The following VPS13A variants were observed in gnomAD, a reference collection of about 807,000 sequenced individuals.
VPS13A encodes the protein vacuolar protein sorting 13 homolog A.
Under a neutral mutation model 390.9 loss-of-function variants are expected in VPS13A, and 264 were observed. That is an observed-to-expected ratio of 0.68 (90% CI 0.61 to 0.75). The LOEUF (loss-of-function observed/expected upper bound fraction) is 0.75. VPS13A is among the 30% of genes least tolerant of loss of function. VPS13A has a pLI of 0.00. For synonymous variants in VPS13A, 1,231 were observed against 1,227.1 expected (o/e 1.00, Z -0.07); for missense variants, 3,409 against 3,733.9 (o/e 0.91, Z 2.27).
chr9:77,187,663 T>G (rs1824423920), intron 1 of VPS13A, among the ~76,000 whole-genome samples: 1 of 152,104 alleles, frequency 6.6e-6, no homozygotes, highest in East Asian at 1.9e-4. Flanking sequence ...GATATATGAT[T>G]TGCAAATATT....
At chr9:77,351,723 G>A (rs1301601348) in intron 53 of VPS13A, among the ~76,000 whole-genome samples, 1 of 152,128 alleles carries the variant, frequency 6.6e-6, no homozygotes, top group African/African-American at 2.4e-5. Flanking sequence ...ACAAAAATTA[G>A]CCTCGCATGG....
chr9:77,248,377 G>A (rs894151712), intron 20 of VPS13A, among the ~76,000 whole-genome samples: 66 of 151,556 alleles, frequency 4.4e-4, no homozygotes, highest in Non-Finnish European at 6.6e-4. Flanking sequence ...CACCACGCCC[G>A]GCTAATTTTT....
chr9:77,203,831 A>G (rs533592286), intron 3 of VPS13A, among the ~76,000 whole-genome samples: 3 of 152,284 alleles, frequency 2.0e-5, no homozygotes, highest in East Asian at 3.9e-4. Context: ...TCTGTACAGA[A>G]ATTTGAAATG....
At chr9:77,366,044 G>T (rs1011107162) in intron 60 of VPS13A, among the ~76,000 whole-genome samples, 2 of 151,920 alleles carry the variant, frequency 1.3e-5, no homozygotes, top group African/African-American at 4.8e-5. Flanking sequence ...TTTTTAACTG[G>T]CTATTAACTT....
At chr9:77,406,420 A>ATTCT (rs1834611528) in intron 70 of VPS13A, among the ~76,000 whole-genome samples, 1 of 151,496 alleles carries the variant, frequency 6.6e-6, no homozygotes, top group African/African-American at 2.4e-5. Flanking sequence ...TTCTGCAATC[A>ATTCT]TTCTTTTTTT....
At chr9:77,352,377 A>G (rs530091209) in intron 53 of VPS13A, among the ~76,000 whole-genome samples, 3 of 151,272 alleles carry the variant, frequency 2.0e-5, no homozygotes, top group South Asian at 4.2e-4. Context: ...AGTAGGTGGT[A>G]TTTTCTCATT....
intron 17 of VPS13A, among the ~76,000 whole-genome samples, chr9:77,229,280 A>G (rs1040147304): frequency 6.6e-6 from 1 of 151,388 alleles, no homozygotes; most frequent in Non-Finnish European, 1.5e-5. Context: ...GGGTTTCACC[A>G]TGTTGCCCAG....
At chr9:77,390,016 C>A in intron 68 of VPS13A, 1 of 930,682 alleles carries the variant, frequency 1.1e-6, no homozygotes, top group African/African-American at 1.8e-5. Context: ...TAACTGCCGT[C>A]AGCCGACGTG....
intron 22 of VPS13A, among the ~76,000 whole-genome samples, chr9:77,257,266 G>A (rs928910341): frequency 1.3e-5 from 2 of 151,954 alleles, no homozygotes; most frequent in African/African-American, 4.8e-5. Flanking sequence ...ACAGGGTCTT[G>A]TTCTGTCACC....
At position 77,404,104 on chromosome 9, in the gene VPS13A, C is replaced by T. The variant is rs545111043; in HGVS notation, c.9275+783C>T. Among the ~76,000 whole-genome samples the T allele has an allele frequency of 4.6e-5, 7 of 152,174 alleles. No homozygotes were observed. In the South Asian group the frequency reaches 1.2e-3, roughly 27 times the overall value. On this transcript the variant is annotated intron_variant, in intron 69 of 71. Coordinates refer to ENST00000360280, the MANE Select transcript of VPS13A (RefSeq NM_033305.3). ...TAATTTTCTTATTTAAAAAGTAACA[C>T]CAAGTGGAAAACTTCCACAATATTA...
intron 29 of VPS13A, among the ~76,000 whole-genome samples, chr9:77,282,938 A>T (rs1287567715): frequency 1.3e-5 from 2 of 151,846 alleles, no homozygotes; most frequent in African/African-American, 4.8e-5. Context: ...CCTGGGTAAC[A>T]GAGAGAGACT....
At chr9:77,236,708 T>C (rs1426158617) in intron 17 of VPS13A, among the ~76,000 whole-genome samples, 1 of 152,174 alleles carries the variant, frequency 6.6e-6, no homozygotes, top group African/African-American at 2.4e-5. Context: ...GAACACAGAC[T>C]CAGAAAATAA....
At chr9:77,197,005 A>C (rs1345323550) in intron 1 of VPS13A, among the ~76,000 whole-genome samples, 1 of 151,960 alleles carries the variant, frequency 6.6e-6, no homozygotes. Flanking sequence ...ACCAGCATTT[A>C]TTTTTTTGTC....
intron 35 of VPS13A, among the ~76,000 whole-genome samples, chr9:77,308,644 G>A (rs914267320): frequency 1.3e-5 from 2 of 152,156 alleles, no homozygotes; most frequent in African/African-American, 4.8e-5. Flanking sequence ...TCTAATGTTG[G>A]ATCCAGTGTG....
At chr9:77,401,282 C>G (rs56151292) in intron 68 of VPS13A, among the ~76,000 whole-genome samples, 12,077 of 151,326 alleles carry the variant, frequency 0.08, 605 homozygotes, top group East Asian at 0.12. Flanking sequence ...TCACTTCTTA[C>G]CTCCTACCCC....
In VPS13A at chr9:77,314,041, A is replaced by G. The variant is rs747910000; in HGVS notation, c.4164A>G (p.Leu1388=). The change falls in exon 36 of 72, where the codon TTA becomes TTG. Residue 1388 remains leucine, a synonymous_variant. Transcript: ENST00000360280. ...AAVVEVHSRA[L]LVKTTLNISF... is the part of the protein sequence containing the mutation. ...TGGTAGAAGTACATTCACGTGCCTT[A>G]CTAGTTAAGACAACACTAAACATAA... 6.8e-6 allele frequency: 11 copies of G among 1,613,290 alleles called. No homozygotes were observed. In the East Asian group the frequency reaches 1.6e-4, roughly 23 times the overall value.
At chr9:77,370,215 A>C in intron 63 of VPS13A, 42 bp from the exon 64 acceptor site, 1 of 1,595,582 alleles carries the variant, frequency 6.3e-7, no homozygotes, top group Non-Finnish European at 8.6e-7. Context: ...TTAAAAGTGA[A>C]TATAACTCAC....
intron 33 of VPS13A, among the ~76,000 whole-genome samples, chr9:77,297,321 T>C (rs1470602901): frequency 6.6e-6 from 1 of 151,970 alleles, no homozygotes; most frequent in African/African-American, 2.4e-5. Flanking sequence ...TTCTCTCTGG[T>C]ATTTTATCAT....
intron 68 of VPS13A, chr9:77,389,807 A>G (rs538092922): frequency 2.0e-5 from 3 of 152,226 alleles, no homozygotes; most frequent in Admixed American, 1.3e-4. Flanking sequence ...TGGGTGTAGT[A>G]TAGTGTGTTC....
Sources: gnomAD v4.1 joint callset for allele counts (sites outside exome capture counted in the v4.1 genomes callset) on GRCh38, gnomAD v4.1.1 for gene constraint, MANE v1.5 for transcripts, NCBI Gene and HGNC (gene_info 2026-07-23, HGNC 2026-07-21) for gene names.